CDK11B: variants seen among roughly 807,000 people sequenced by gnomAD.
CDK11B encodes the protein cyclin dependent kinase 11B.
Under a neutral mutation model 84.0 loss-of-function variants are expected in CDK11B, and 37 were observed. The ratio of observed to expected loss-of-function variants is 0.44; its 90% confidence interval spans 0.34 to 0.58. The LOEUF is 0.58. CDK11B is among the 20% of genes least tolerant of loss of function. CDK11B has a pLI of 0.02. For missense variants in CDK11B, 427 were observed against 834.0 expected (o/e 0.51, Z 6.01); for synonymous variants, 269 against 309.8 (o/e 0.87, Z 1.38).
intron 5 of CDK11B, among the ~76,000 whole-genome samples, chr1:1,648,792 G>A (rs1052293261): frequency 5.3e-5 from 8 of 151,872 alleles, no homozygotes; most frequent in Non-Finnish European, 8.8e-5. Flanking sequence ...CTTTTTTTGA[G>A]ACAGTCTCAC....
At chr1:1,652,302 T>C in intron 4 of CDK11B, 137 bp downstream of exon 4, 4 of 680,228 alleles carry the variant, frequency 5.9e-6, no homozygotes, top group Non-Finnish European at 6.7e-6. Flanking sequence ...TTCTGAACGG[T>C]CTGTGACACA....
chr1:1,649,070 T>A (rs1641549669), intron 5 of CDK11B, among the ~76,000 whole-genome samples: 1 of 151,996 alleles, frequency 6.6e-6, no homozygotes, highest in South Asian at 2.1e-4. Flanking sequence ...CTGTGCTGTT[T>A]CCATGTCTAC....
At chr1:1,653,831 C>CACAG (rs1369545990) in intron 3 of CDK11B, among the ~76,000 whole-genome samples, 1 of 140,906 alleles carries the variant, frequency 7.1e-6, no homozygotes, top group Non-Finnish European at 1.5e-5. Context: ...AAAATACACA[C>CACAG]ACACACACAC....
At chr1:1,646,395 A>C (rs986827370) in intron 5 of CDK11B, 6 of 508,100 alleles carry the variant, frequency 1.2e-5, no homozygotes, top group Non-Finnish European at 2.4e-5. Flanking sequence ...TCTAGGGATC[A>C]CCGTATGCCT....
Position 1,639,590 on chromosome 1 carries a change from C to T in CDK11B, c.1251+687G>A, listed in dbSNP as rs547327498. Reference sequence around the variant, plus strand: ...GTGCCCAGGCCGGATGTCATGTACTCGGGGTGGCCTGTGGCCCGACGCCTA... The same window carrying T: ...GTGCCCAGGCCGGATGTCATGTACTTGGGGTGGCCTGTGGCCCGACGCCTA... On this transcript the variant is annotated intron_variant, in intron 11 of 19. Coordinates refer to ENST00000341832, the MANE Select transcript of CDK11B (RefSeq NM_033486.3). 2.6e-4 allele frequency among the ~76,000 whole-genome samples: 40 copies of T among 151,980 alleles called. No homozygotes were observed. The South Asian group carries it at 3.5e-3, about 13-fold the overall frequency.
chr1:1,640,971 G>T (rs1452519431), intron 10 of CDK11B, 77 bp downstream of exon 10: 21 of 1,597,612 alleles, frequency 1.3e-5, no homozygotes, highest in Non-Finnish European at 1.7e-5. Flanking sequence ...CGCTGCGCAG[G>T]ACCGGCTGTC....
At chr1:1,654,153 G>A in intron 3 of CDK11B, 1 of 464,936 alleles carries the variant, frequency 2.2e-6, no homozygotes, top group Non-Finnish European at 4.3e-6. Context: ...GTAATTTCTG[G>A]CTGTGTTTCC....
intron 1 of CDK11B, 129 bp from the exon 2 acceptor site, chr1:1,657,627 A>T: frequency 1.3e-6 from 1 of 743,536 alleles, no homozygotes; most frequent in Non-Finnish European, 2.1e-6. Context: ...TGCCCGGCGC[A>T]GTGGCTCAAG....
chr1:1,646,868 C>A, intron 5 of CDK11B: 1 of 519,880 alleles, frequency 1.9e-6, no homozygotes, highest in East Asian at 5.4e-5. Flanking sequence ...AAGTCAGTGG[C>A]TGGCGGTATT....
chr1:1,646,523 A>G lies in CDK11B; in HGVS notation c.495-1261T>C, dbSNP rs1269269471. On this transcript the variant is annotated intron_variant, in intron 5 of 19. Transcript: ENST00000341832. ...CATGACAACAGTGTAATTATTTTAT[A>G]CAATCGTAGTTCCAGTAAAACCTAA... 1.7e-5 allele frequency: 9 copies of G among 519,378 alleles called. No homozygotes were observed. In the East Asian group the frequency reaches 3.8e-4, roughly 22 times the overall value. The allele number at this position is 519,378 out of a possible 1,614,324, so 32.2% of individuals were successfully genotyped here. A position where few individuals can be genotyped will look rare whatever the true frequency, so the allele number is the denominator to read the frequency against.
chr1:1,637,797 G>A lies in CDK11B; in HGVS notation c.1429C>T (p.Leu477Phe). The A allele has an allele frequency of 6.2e-7, 1 of 1,613,776 alleles. No homozygotes were observed. The highest frequency in any genetic ancestry group is 8.5e-7 in the Non-Finnish European group (1 of 1,179,708). Residue 477 changes from leucine to phenylalanine, a missense_variant, in exon 13 of 20, where the codon CTC becomes TTC. Transcript: ENST00000341832. ...ACGATGTTGGGATGCTGGGCCTTGA[G>A]GATGGTGTTGATCTCCCTCAGCGAC... is the stretch of plus-strand genomic sequence containing the variant. ...ITSLREINTI[L>F]KAQHPNIVTV...
intron 5 of CDK11B, chr1:1,646,662 C>T (rs1641169084): frequency 1.9e-6 from 1 of 519,256 alleles, no homozygotes; most frequent in African/African-American, 1.9e-5. Context: ...TTCTATTCAA[C>T]TTGAAGGTCT....
In CDK11B at chr1:1,640,264, G is replaced by A. The variant is rs1640068142; in HGVS notation, c.1251+13C>T. On this transcript the variant is annotated intron_variant, in intron 11 of 19. Transcript: ENST00000341832. ...AATGCGGACAGTGGCCCGGGGCGAG[G>A]GGAGGGCCTGACCTGCAGGGCCGGC... is the stretch of plus-strand genomic sequence containing the variant. 6.2e-7 allele frequency: 1 copy of A among 1,612,834 alleles called. No homozygotes were observed. Among genetic ancestry groups the A allele is most frequent in the Non-Finnish European group, 8.5e-7 (1 of 1,179,336 alleles).
At chr1:1,650,128 G>A (rs1204881457) in intron 4 of CDK11B, among the ~76,000 whole-genome samples, 1 of 150,666 alleles carries the variant, frequency 6.6e-6, no homozygotes, top group Non-Finnish European at 1.5e-5. Flanking sequence ...AAATTAGCTG[G>A]GTGTGGTGGC....
Position 1,637,807 on chromosome 1 carries a change from G to T in CDK11B, c.1419C>A (p.Ile473=). ...GATGCTGGGCCTTGAGGATGGTGTT[G>T]ATCTCCCTCAGCGACGTGATCGGGA... ...EGFPITSLRE[I]NTILKAQHPN... is the part of the protein sequence containing the mutation. Residue 473 remains isoleucine, a synonymous_variant, in exon 13 of 20, where the codon ATC becomes ATA. Coordinates refer to ENST00000341832, the MANE Select transcript of CDK11B (RefSeq NM_033486.3). The T allele has an allele frequency of 1.2e-6, 2 of 1,613,762 alleles. No homozygotes were observed. The highest frequency in any genetic ancestry group is 1.7e-6 in the Non-Finnish European group (2 of 1,179,704).
At chr1:1,643,463 G>A (rs1640557436) in intron 6 of CDK11B, among the ~76,000 whole-genome samples, 3 of 151,716 alleles carry the variant, frequency 2.0e-5, no homozygotes, top group South Asian at 2.1e-4. Context: ...AAATAGGACA[G>A]TATGTCCCAT....
intron 5 of CDK11B, 78 bp downstream of exon 5, chr1:1,649,421 A>G: frequency 2.6e-6 from 3 of 1,148,610 alleles, no homozygotes; most frequent in Non-Finnish European, 3.9e-6. Flanking sequence ...TTCTATTGCC[A>G]AATTCTTCTT....
rs1220166094 is a variant in CDK11B, at chr1:1,642,479, CCT to C, written c.659_660del (p.Glu220GlyfsTer71). ...EVSAHHRTMREDYSDKVKASH... is the reference protein window; with the variant it reads ...EVSAHHRTMRXDYSDKVKASH... ...CTGGCTTTCACTTTGTCGCTGTAGT[CCT>C]CTCTCATCGTTCGGTGATGTGCAGA... On this transcript the variant is annotated frameshift_variant, in exon 7 of 20. Transcript: ENST00000341832. LOFTEE classifies it high-confidence loss of function. The C allele has an allele frequency of 4.9e-6, 2 of 406,244 alleles. No individual in the cohort carries two copies. Among genetic ancestry groups the C allele is most frequent in the Admixed American group, 5.2e-5 (1 of 19,204 alleles). 25.2% of individuals were successfully genotyped at this position (406,244 alleles called of 1,614,324 possible).
intron 4 of CDK11B, among the ~76,000 whole-genome samples, chr1:1,650,804 G>C (rs1378434955): frequency 5.1e-4 from 77 of 150,390 alleles, no homozygotes; most frequent in Non-Finnish European, 1.0e-3. Context: ...GAATAATCAT[G>C]ATTTTATGTT....
Sources: gnomAD v4.1 joint callset for allele counts (sites outside exome capture counted in the v4.1 genomes callset) on GRCh38, gnomAD v4.1.1 for gene constraint, MANE v1.5 for transcripts, NCBI Gene and HGNC (gene_info 2026-07-23, HGNC 2026-07-21) for gene names.